Variants in ATRNL1 observed in about 807,000 individuals in gnomAD.
The protein encoded by ATRNL1 is attractin like 1, also known as attractin-like protein 1.
A neutral mutation model predicts 182.7 loss-of-function variants in ATRNL1; 95 were observed. The ratio of observed to expected loss-of-function variants is 0.52; its 90% CI spans 0.44 to 0.62. The LOEUF (loss-of-function observed/expected upper bound fraction) is 0.62. Among genes scored for constraint, ATRNL1 ranks in the 20% least tolerant of loss-of-function variants. The pLI is 0.00. For synonymous variants in ATRNL1, 576 were observed against 568.3 expected (o/e 1.01, Z -0.19); for missense variants, 1,471 against 1,679.5 (o/e 0.88, Z 2.17).
intron 28 of ATRNL1, among the ~76,000 whole-genome samples, chr10:115,878,077 C>T (rs2620956): frequency 0.98 from 148,547 of 152,316 alleles, 72,547 homozygotes; most frequent in East Asian, 1. Context: ...CTCCCCACTG[C>T]CCTCTCAGCG....
intron 28 of ATRNL1, among the ~76,000 whole-genome samples, chr10:115,925,088 C>T (rs1028842189): frequency 6.6e-6 from 1 of 152,094 alleles, no homozygotes; most frequent in Non-Finnish European, 1.5e-5. Context: ...GATTTTTGCA[C>T]ATTTATTTTG....
intron 27 of ATRNL1, among the ~76,000 whole-genome samples, chr10:115,746,827 A>G (rs1437512338): frequency 6.6e-6 from 1 of 152,152 alleles, no homozygotes; most frequent in African/African-American, 2.4e-5. Context: ...AATGTGAGAA[A>G]TGATAACTAA....
rs1853493737 is a variant in ATRNL1 at position 115,301,991 on chromosome 10, C to G, written c.2766C>G (p.Ile922Met). The change falls in exon 17 of 29, where the codon ATC becomes ATG. Residue 922 changes from isoleucine to methionine, a missense_variant. Physicochemically the swap from Ile to Met is conservative, Grantham distance 10. Coordinates refer to ENST00000355044, the MANE Select transcript of ATRNL1 (RefSeq NM_207303.4). The part of the protein sequence containing the change: ...TKRCVDSNAY[I>M]ISFPYGQCLE... ...GATGTGTTGACTCTAATGCCTATAT[C>G]ATCTCTTTTCCATATGGACAATGTC... 1 of 1,613,906 alleles carries G rather than the reference C, an allele frequency of 6.2e-7. No homozygotes were observed.
intron 15 of ATRNL1, among the ~76,000 whole-genome samples, chr10:115,297,326 T>C (rs782698954): frequency 5.3e-5 from 8 of 152,170 alleles, no homozygotes; most frequent in Non-Finnish European, 8.8e-5. Context: ...AGGAGCTTTA[T>C]TTCTTTTACT....
chr10:115,364,891 G>A (rs1406634886), intron 19 of ATRNL1, among the ~76,000 whole-genome samples: 1 of 151,252 alleles, frequency 6.6e-6, no homozygotes, highest in African/African-American at 2.4e-5. Flanking sequence ...TGGTGGATAA[G>A]CTTTTTGATG....
At chr10:115,655,419 A>G (rs1011099688) in intron 26 of ATRNL1, among the ~76,000 whole-genome samples, 1 of 152,192 alleles carries the variant, frequency 6.6e-6, no homozygotes, top group South Asian at 2.1e-4. Context: ...ATTAAGTATT[A>G]AGGTTATTTT....
chr10:115,171,286 C>G lies in ATRNL1; in HGVS notation c.1342C>G (p.His448Asp). 1 of 1,563,750 alleles carries G rather than the reference C, an allele frequency of 6.4e-7. No homozygotes were observed. The highest frequency in any genetic ancestry group is 8.7e-7 in the Non-Finnish European group (1 of 1,147,554). ...TTATACAAGCAGCATACAGGAATAC[C>G]ATATCTGTGAGTTACTTAAAAATTG... ...YGYTSSIQEY[H>D]ISSNTWLVPE... The change falls in exon 8 of 29, where the codon CAT (histidine) becomes GAT (aspartate). Residue 448 changes from histidine to aspartate, a missense_variant. Around this residue, in one of 3 missense-constraint regions of ATRNL1, gnomAD observed 1,031 missense variants for 1,156.0 expected, o/e 0.89. Coordinates refer to ENST00000355044, the MANE Select transcript of ATRNL1 (RefSeq NM_207303.4).
intron 26 of ATRNL1, among the ~76,000 whole-genome samples, chr10:115,567,986 C>T (rs1854166416): frequency 6.6e-6 from 1 of 152,028 alleles, no homozygotes; most frequent in Admixed American, 6.6e-5. Context: ...TGTTATTCTA[C>T]TTAATACGTC....
intron 18 of ATRNL1, among the ~76,000 whole-genome samples, chr10:115,331,714 G>A (rs1554935154): frequency 6.6e-6 from 1 of 151,822 alleles, no homozygotes; most frequent in Non-Finnish European, 1.5e-5. Flanking sequence ...TGACTGCTCT[G>A]TTTCGGTGGG....
At chr10:115,323,247 TC>T (rs1854677482) in intron 18 of ATRNL1, among the ~76,000 whole-genome samples, 1 of 152,196 alleles carries the variant, frequency 6.6e-6, no homozygotes, top group South Asian at 2.1e-4. Flanking sequence ...TGATTATTTT[TC>T]TACCAGTTCA....
chr10:115,720,954 G>T (rs781992851), intron 26 of ATRNL1, among the ~76,000 whole-genome samples: 22 of 152,162 alleles, frequency 1.4e-4, no homozygotes, highest in Admixed American at 5.2e-4. Context: ...TTACATTTTG[G>T]TTCAGGATGA....
intron 28 of ATRNL1, among the ~76,000 whole-genome samples, chr10:115,879,911 T>C (rs1193427484): frequency 2.0e-5 from 3 of 151,890 alleles, no homozygotes; most frequent in Non-Finnish European, 4.4e-5. Flanking sequence ...AAGCCTGGGG[T>C]CAGGGTGGGG....
At chr10:115,488,917 A>G (rs1472076211) in intron 24 of ATRNL1, among the ~76,000 whole-genome samples, 2 of 152,092 alleles carry the variant, frequency 1.3e-5, no homozygotes, top group African/African-American at 4.8e-5. Context: ...AGATTCTGGT[A>G]TGTTGTGTCT....
chr10:115,410,987 C>T (rs1845111597), intron 20 of ATRNL1, among the ~76,000 whole-genome samples: 1 of 151,934 alleles, frequency 6.6e-6, no homozygotes, highest in Non-Finnish European at 1.5e-5. Context: ...CCACCCACCT[C>T]GGCATCCCAA....
At chr10:115,738,125 G>GTTTTTTTTTTTTTTTTT (rs1565334914) in intron 27 of ATRNL1, among the ~76,000 whole-genome samples, 5 of 53,194 alleles carry the variant, frequency 9.4e-5, no homozygotes, top group African/African-American at 2.9e-4. Context: ...AGAAGATAAT[G>GTTTTTTTTTTTTTTTTT]ATTTTTTTTT....
intron 22 of ATRNL1, among the ~76,000 whole-genome samples, chr10:115,462,916 A>C (rs1554970062): frequency 6.6e-6 from 1 of 152,026 alleles, no homozygotes; most frequent in Non-Finnish European, 1.5e-5. Context: ...CTGAGACTTT[A>C]TTAATTTGAA....
chr10:115,360,601 C>CAAA (rs35218125), intron 19 of ATRNL1, among the ~76,000 whole-genome samples: 3 of 146,570 alleles, frequency 2.0e-5, no homozygotes, highest in Non-Finnish European at 3.0e-5. Context: ...TTTTTTAAAG[C>CAAA]AAAAAAAAAA....
intron 9 of ATRNL1, among the ~76,000 whole-genome samples, chr10:115,222,189 A>G (rs1186471209): frequency 6.6e-6 from 1 of 152,180 alleles, no homozygotes; most frequent in Non-Finnish European, 1.5e-5. Flanking sequence ...CCTTGGATGG[A>G]AATAACAGCA....
intron 19 of ATRNL1, among the ~76,000 whole-genome samples, chr10:115,364,117 G>C (rs11197184): frequency 0.17 from 21,297 of 124,252 alleles, 2,342 homozygotes; most frequent in Non-Finnish European, 0.24. Flanking sequence ...GGCAGTATGG[G>C]CATTTTCACG....
Sources: allele counts gnomAD v4.1 joint callset (sites outside exome capture counted in the v4.1 genomes callset), GRCh38; gene constraint gnomAD v4.1.1; regional missense constraint gnomAD v4.1.1; transcripts MANE v1.5; gene names NCBI Gene and HGNC (gene_info 2026-07-23, HGNC 2026-07-21).